CALN1: variants seen among roughly 807,000 people sequenced by gnomAD.
CALN1 encodes the protein calcium-binding protein 8.
In CALN1, 17 loss-of-function variants were observed where a neutral mutation model predicts 30.6. That is an observed-to-expected ratio of 0.56 (90% CI 0.38 to 0.83). The LOEUF (loss-of-function observed/expected upper bound fraction) is 0.83, where lower values mean the gene tolerates loss of function less well. CALN1 is among the 40% of genes least tolerant of loss of function. The pLI, the probability that CALN1 is intolerant of heterozygous loss-of-function variation, is 0.00. For missense variants in CALN1, 291 were observed against 354.9 expected, an observed-to-expected ratio of 0.82 and a Z score of 1.45; for synonymous variants, 156 against 131.4, an observed-to-expected ratio of 1.19 and a Z score of -1.28.
intron 4 of CALN1, among the ~76,000 whole-genome samples, chr7:72,099,699 T>C (rs892271263): frequency 2.0e-5 from 3 of 152,192 alleles, no homozygotes; most frequent in Admixed American, 6.5e-5. Context: ...CCTACACTGA[T>C]GCGTTATTTT....
intron 3 of CALN1, among the ~76,000 whole-genome samples, chr7:72,157,190 C>A (rs1027372337): frequency 1.3e-5 from 2 of 152,174 alleles, no homozygotes; most frequent in Non-Finnish European, 2.9e-5. Flanking sequence ...CATTCACTTA[C>A]CCATTTGGCA....
At chr7:71,967,481 T>A (rs1327332905) in intron 5 of CALN1, among the ~76,000 whole-genome samples, 3 of 151,662 alleles carry the variant, frequency 2.0e-5, no homozygotes, top group Admixed American at 6.6e-5. Context: ...TCAAACAAAT[T>A]AACTGAGCTC....
chr7:72,461,613 C>T, the CALN1 span, among the ~76,000 whole-genome samples: 1 of 152,098 alleles, frequency 6.6e-6, no homozygotes, highest in East Asian at 1.9e-4. Flanking sequence ...AGTGGGTACA[C>T]GTGGACACAA....
At chr7:72,099,555 A>G (rs1001917597) in intron 4 of CALN1, among the ~76,000 whole-genome samples, 2 of 152,040 alleles carry the variant, frequency 1.3e-5, no homozygotes, top group Non-Finnish European at 2.9e-5. Context: ...GTACCTGAGA[A>G]GTTTACTCAT....
chr7:72,310,596 G>A (rs1799971285), intron 2 of CALN1, among the ~76,000 whole-genome samples: 4 of 151,808 alleles, frequency 2.6e-5, no homozygotes, highest in African/African-American at 9.7e-5. Context: ...TGCATCTGGT[G>A]ACATCTACAT....
Position 71,859,970 on chromosome 7 carries a change from T to C in CALN1, c.502-49478A>G, listed in dbSNP as rs780705105. Among the ~76,000 whole-genome samples the C allele has an allele frequency of 7.2e-5, 11 of 152,234 alleles. No homozygotes were observed. The South Asian group carries it at 1.0e-3, about 14-fold the overall frequency. ...TCAGGAATGTCCTAATATCCCGATA[T>C]CTTGAGAACAGGAACATTCCTAGTC... is the stretch of plus-strand genomic sequence containing the variant. On this transcript the variant is annotated intron_variant, in intron 5 of 6. Transcript: ENST00000395275.
At chr7:72,117,970 G>GAAAAAAAAAAAAAAAAAA (rs1342596026) in intron 3 of CALN1, among the ~76,000 whole-genome samples, 1 of 130,632 alleles carries the variant, frequency 7.7e-6, no homozygotes, top group African/African-American at 2.8e-5. Flanking sequence ...AAAAAAAAAA[G>GAAAAAAAAAAAAAAAAAA]AAAAAAAAAA....
At chr7:71,978,429 C>T (rs373684562) in intron 5 of CALN1, among the ~76,000 whole-genome samples, 6 of 151,754 alleles carry the variant, frequency 4.0e-5, no homozygotes, top group Non-Finnish European at 5.9e-5. Context: ...CCCCCCACCA[C>T]GCCCAGCTAA....
chr7:72,152,133 T>A (rs568189166), intron 3 of CALN1, among the ~76,000 whole-genome samples: 1 of 152,192 alleles, frequency 6.6e-6, no homozygotes, highest in Admixed American at 6.5e-5. Flanking sequence ...CTTGAATGCC[T>A]GACCTCAAGT....
At chr7:72,153,232 T>A (rs550771434) in intron 3 of CALN1, among the ~76,000 whole-genome samples, 9 of 152,290 alleles carry the variant, frequency 5.9e-5, no homozygotes, top group African/African-American at 2.2e-4. Context: ...TACAGCAAGA[T>A]CACACCTACG....
At chr7:72,231,454 G>C (rs562647539) in intron 3 of CALN1, among the ~76,000 whole-genome samples, 9 of 152,160 alleles carry the variant, frequency 5.9e-5, no homozygotes, top group Non-Finnish European at 1.2e-4. Flanking sequence ...CTCTGCAAAG[G>C]ACAGGATCTC....
intron 3 of CALN1, among the ~76,000 whole-genome samples, chr7:72,209,152 CCCTTCTCCCTTGACTTCTTCCTTCCCT>C: frequency 7.1e-6 from 1 of 140,112 alleles, no homozygotes; most frequent in Non-Finnish European, 1.5e-5. Context: ...ATTCCTTCCC[CCCTTCTCCCTTGACTTCTTCCTTCCCT>C]CCTTCCCTCT....
intron 2 of CALN1, among the ~76,000 whole-genome samples, chr7:72,347,308 C>G (rs943071697): frequency 3.0e-4 from 45 of 151,518 alleles, no homozygotes; most frequent in Non-Finnish European, 7.4e-5. Flanking sequence ...AGTGCAATGC[C>G]GTGATCTCAG....
At chr7:72,487,923 AAGGAAGGAAGGAAGGAAG>A in the CALN1 span, among the ~76,000 whole-genome samples, 1 of 84,914 alleles carries the variant, frequency 1.2e-5, no homozygotes, top group South Asian at 3.8e-4. Context: ...AGAAAGAAGG[AAGGAAGGAAGGAAGGAAG>A]GAAGGAAGGA....
chr7:71,886,373 C>G (rs962474601), intron 5 of CALN1, among the ~76,000 whole-genome samples: 2 of 152,242 alleles, frequency 1.3e-5, no homozygotes, highest in African/African-American at 4.8e-5. Context: ...AATGCTTCAG[C>G]CACTGCCACG....
At chr7:72,223,045 GAGAGGGT>G (rs1793421026) in intron 3 of CALN1, among the ~76,000 whole-genome samples, 1 of 152,122 alleles carries the variant, frequency 6.6e-6, no homozygotes. Flanking sequence ...AAAAGAAAAG[GAGAGGGT>G]AGCCCCTGCT....
At chr7:72,374,376 A>G (rs1804418722) in intron 2 of CALN1, among the ~76,000 whole-genome samples, 1 of 152,032 alleles carries the variant, frequency 6.6e-6, no homozygotes, top group South Asian at 2.1e-4. Context: ...TAAAAATACA[A>G]AAGTTAACCG....
At chr7:72,309,965 C>T (rs1476925080) in intron 2 of CALN1, among the ~76,000 whole-genome samples, 1 of 152,168 alleles carries the variant, frequency 6.6e-6, no homozygotes, top group Non-Finnish European at 1.5e-5. Context: ...ATTCTCTTCC[C>T]TGAGCACTGC....
intron 5 of CALN1, among the ~76,000 whole-genome samples, chr7:71,994,541 A>G (rs1799145664): frequency 1.3e-5 from 2 of 150,656 alleles, no homozygotes; most frequent in African/African-American, 4.9e-5. Flanking sequence ...AAACAGTGAT[A>G]GTAAAATTGA....
Sources: gnomAD v4.1 joint callset for allele counts (sites outside exome capture counted in the v4.1 genomes callset) on GRCh38, gnomAD v4.1.1 for gene constraint, MANE v1.5 for transcripts, NCBI Gene and HGNC (gene_info 2026-07-23, HGNC 2026-07-21) for gene names.